Variants in C3 observed in about 807,000 individuals in gnomAD.
C3 encodes C3 and PZP-like alpha-2-macroglobulin domain-containing protein 1.
C3 carries 97 observed loss-of-function variants against 207.9 expected under a neutral mutation model. The observed-to-expected ratio is 0.47, with a 90% CI of 0.40 to 0.55. The LOEUF (loss-of-function observed/expected upper bound fraction) is 0.55. Among genes scored for constraint, C3 ranks in the 20% least tolerant of loss-of-function variants. C3 has a pLI of 0.00. For missense variants in C3, 1,684 were observed against 2,171.7 expected, an observed-to-expected ratio of 0.78 and a Z score of 4.46; for synonymous variants, 848 against 857.6, an observed-to-expected ratio of 0.99 and a Z score of 0.20.
Position 6,700,539 on chromosome 19 carries a change from T to C in C3, c.2440+1588A>G, listed in dbSNP as rs562044198. Among the ~76,000 whole-genome samples the C allele has an allele frequency of 8.4e-4, 25 of 29,592 alleles. 2 individuals carry two copies. The highest frequency in any genetic ancestry group is 4.4e-3 in the African/African-American group (23 of 5,256). 19.4% of individuals were successfully genotyped at this position (29,592 alleles called of 152,430 possible). On this transcript the variant is annotated intron_variant, in intron 19 of 40. Transcript: ENST00000245907. The stretch of plus-strand genomic sequence containing the variant: ...ATAATATATGTAATATGATATATTA[T>C]ATATGTAATATATAATATATGTAAT...
Position 6,713,179 on chromosome 19 carries a change from T to C in C3, c.1003+10A>G, listed in dbSNP as rs1046676262. ...GTGGTCCTGAGCCTGGCCTTCAGAC[T>C]GGGCCTCACCTGAGTGCAAGATGAC... On this transcript the variant is annotated intron_variant, in intron 9 of 40. Transcript: ENST00000245907. 2 of 1,613,722 alleles carry C rather than the reference T, an allele frequency of 1.2e-6. No individual in the cohort carries two copies.
intron 23 of C3, among the ~76,000 whole-genome samples, chr19:6,696,103 G>A (rs186807282): frequency 1.7e-4 from 25 of 151,244 alleles, no homozygotes; most frequent in African/African-American, 5.6e-4. Context: ...CCAGCTACTC[G>A]GGAGGCTGAG....
At chr19:6,692,372 CA>C (rs1274395673) in intron 26 of C3, among the ~76,000 whole-genome samples, 1 of 152,156 alleles carries the variant, frequency 6.6e-6, no homozygotes, top group Non-Finnish European at 1.5e-5. Flanking sequence ...TTAAGTGCCA[CA>C]GGGGGAGCCA....
At chr19:6,708,064 C>A in intron 14 of C3, 135 bp from the exon 15 acceptor site, 1 of 949,852 alleles carries the variant, frequency 1.1e-6, no homozygotes, top group Admixed American at 2.0e-5. Flanking sequence ...CCTGCTTCTG[C>A]CCTTCCTTTC....
intron 9 of C3, 98 bp downstream of exon 9, chr19:6,713,091 C>A (rs544765632): frequency 1.9e-5 from 27 of 1,452,956 alleles, no homozygotes; most frequent in South Asian, 8.0e-5. Flanking sequence ...TCACTCTGAG[C>A]CTCCCTCCTT....
chr19:6,681,840 A>AC, intron 35 of C3, 101 bp downstream of exon 35: 2 of 883,828 alleles, frequency 2.3e-6, no homozygotes, highest in Non-Finnish European at 3.9e-6. Flanking sequence ...GCCCAGGGTT[A>AC]GTCTGACCCA....
intron 19 of C3, among the ~76,000 whole-genome samples, chr19:6,701,416 C>T (rs577805487): frequency 5.9e-5 from 9 of 152,244 alleles, no homozygotes; most frequent in East Asian, 5.8e-4. Context: ...CGCCCCTTCA[C>T]GAAAAATCAT....
chr19:6,684,475 A>G (rs773307150), intron 32 of C3, 36 bp from the exon 33 acceptor site: 3 of 1,595,738 alleles, frequency 1.9e-6, no homozygotes, highest in South Asian at 1.1e-5. Context: ...GGGAGAGGGT[A>G]TACCTGTGTG....
At chr19:6,701,913 A>T (rs1568220131) in intron 19 of C3, among the ~76,000 whole-genome samples, 1 of 152,146 alleles carries the variant, frequency 6.6e-6, no homozygotes, top group Non-Finnish European at 1.5e-5. Flanking sequence ...CTGCTACTTA[A>T]CCCTTGCTAT....
At chr19:6,678,999 T>TCA in intron 38 of C3, 126 bp downstream of exon 38, 1 of 761,130 alleles carries the variant, frequency 1.3e-6, no homozygotes, top group South Asian at 1.4e-5. Flanking sequence ...ATACATGCTC[T>TCA]CACACACACC....
intron 2 of C3, 36 bp from the exon 3 acceptor site, chr19:6,718,448 CA>C: frequency 1.2e-6 from 2 of 1,612,360 alleles, no homozygotes; most frequent in Non-Finnish European, 1.7e-6. Flanking sequence ...GGGTCTGTTC[CA>C]AGGCCCCATG....
intron 27 of C3, among the ~76,000 whole-genome samples, chr19:6,689,749 C>T (rs1225938560): frequency 1.3e-5 from 2 of 151,590 alleles, no homozygotes; most frequent in East Asian, 3.9e-4. Context: ...TGGGAGGCCA[C>T]GCCAGGCAGA....
In C3 at chr19:6,677,999, G is replaced by A. The variant is rs766517800; in HGVS notation, c.4875C>T (p.Asp1625=). The A allele has an allele frequency of 1.2e-6, 2 of 1,614,188 alleles. No individual in the cohort carries two copies. Among genetic ancestry groups the A allele is most frequent in the Non-Finnish European group, 1.7e-6 (2 of 1,180,034 alleles). The part of the protein sequence containing the change: ...KPNLSYIIGK[D]TWVEHWPEED... ...CCTCGGGCCAGTGCTCCACCCAAGT[G>A]TCCTTCCCGATGATGTAGCTGAGGC... is the stretch of plus-strand genomic sequence containing the variant. Residue 1625 remains aspartate, a synonymous_variant, in exon 41 of 41, where the codon GAC becomes GAT. Coordinates refer to ENST00000245907, the MANE Select transcript of C3 (RefSeq NM_000064.4).
chr19:6,678,121 G>C (rs374395215), intron 40 of C3, 31 bp downstream of exon 40: 17 of 1,613,936 alleles, frequency 1.1e-5, no homozygotes, highest in African/African-American at 5.3e-5. Flanking sequence ...GCAGTCGGGC[G>C]GTCGCGCGCA....
In C3 at chr19:6,705,149, A is replaced by G. The variant is rs145211608; in HGVS notation, c.2245+1927T>C. Among the ~76,000 whole-genome samples the G allele has an allele frequency of 1.6e-3, 247 of 152,204 alleles. 2 individuals are homozygous for G. The highest frequency in any genetic ancestry group is 6.8e-3 in the Middle Eastern group (2 of 294). On this transcript the variant is annotated intron_variant, in intron 17 of 40. Transcript: ENST00000245907. ...TTAGCCATTCTTTTTCTGACCCCCA[A>G]TGGGCCAAAGGAATTACACAATTCT...
At chr19:6,694,923 G>A (rs1260677486) in intron 23 of C3, among the ~76,000 whole-genome samples, 2 of 152,096 alleles carry the variant, frequency 1.3e-5, no homozygotes, top group Non-Finnish European at 2.9e-5. Flanking sequence ...CTTATATCAC[G>A]CTTAATGTTA....
intron 34 of C3, 29 bp downstream of exon 34, chr19:6,682,113 A>ATACCTGCTTATCCC (rs746207752): frequency 1.9e-6 from 3 of 1,609,224 alleles, no homozygotes; most frequent in African/African-American, 2.7e-5. Context: ...GCTCCTTTCC[A>ATACCTGCTTATCCC]CTTATCCCAG....
chr19:6,703,302 A>G lies in C3; in HGVS notation c.2246-723T>C, dbSNP rs374124813. ...GATTATAGTCATTCCTTTCCCTTTGATTTTTAAAGAAACGAAAGCATTTGG... is the reference window on the plus strand; with the variant it reads ...GATTATAGTCATTCCTTTCCCTTTGGTTTTTAAAGAAACGAAAGCATTTGG... On this transcript the variant is annotated intron_variant, in intron 17 of 40. Coordinates refer to ENST00000245907, the MANE Select transcript of C3 (RefSeq NM_000064.4). Among the ~76,000 whole-genome samples the G allele has an allele frequency of 4.6e-5, 7 of 152,164 alleles. No homozygotes were observed. The East Asian group carries it at 1.4e-3, about 29-fold the overall frequency.
At chr19:6,718,002 C>G in intron 4 of C3, 92 bp downstream of exon 4, 1 of 1,251,090 alleles carries the variant, frequency 8.0e-7, no homozygotes. Flanking sequence ...CCACTGCACC[C>G]CTTCCGGTGT....
Sources: allele counts gnomAD v4.1 joint callset (sites outside exome capture counted in the v4.1 genomes callset), GRCh38; gene constraint gnomAD v4.1.1; transcripts MANE v1.5; gene names NCBI Gene and HGNC (gene_info 2026-07-23, HGNC 2026-07-21).